Variants in TDRD9 observed in about 807,000 individuals in gnomAD.
The protein encoded by TDRD9 is ATP-dependent RNA helicase TDRD9.
Under a neutral mutation model 172.6 loss-of-function variants are expected in TDRD9, and 124 were observed. That is an observed-to-expected ratio of 0.72 (90% confidence interval 0.62 to 0.83). TDRD9 has a LOEUF of 0.83. Among genes scored for constraint, TDRD9 ranks in the 40% least tolerant of loss-of-function variants. TDRD9 has a pLI of 0.00. For missense variants in TDRD9, 1,479 were observed against 1,714.1 expected (o/e 0.86, Z 2.42); for synonymous variants, 619 against 617.1 (o/e 1.00, Z -0.05).
At chr14:103,974,448 C>T (rs76821815) in intron 6 of TDRD9, among the ~76,000 whole-genome samples, 4,350 of 152,138 alleles carry the variant, frequency 0.029, 133 homozygotes, top group African/African-American at 0.076. Flanking sequence ...TGCTTTTTGA[C>T]AAAACTGGAA....
intron 7 of TDRD9, among the ~76,000 whole-genome samples, chr14:103,979,176 T>A (rs552442580): frequency 6.6e-6 from 1 of 152,348 alleles, no homozygotes; most frequent in South Asian, 2.1e-4. Context: ...TCACTTAACA[T>A]AATGTCCTCC....
At chr14:103,951,564 A>G (rs969412274) in intron 1 of TDRD9, among the ~76,000 whole-genome samples, 1 of 152,224 alleles carries the variant, frequency 6.6e-6, no homozygotes, top group Non-Finnish European at 1.5e-5. Flanking sequence ...GAAATGAAGT[A>G]TAAATTTTTG....
At chr14:104,032,193 ATCTTT>A (rs139771860) in intron 30 of TDRD9, 106 bp downstream of exon 30, 197,362 of 611,332 alleles carry the variant, frequency 0.32, 36,063 homozygotes, top group Admixed American at 0.45. Flanking sequence ...GGAATGTGTT[ATCTTT>A]TCTTTTCTTT....
intron 13 of TDRD9, among the ~76,000 whole-genome samples, chr14:104,000,324 C>T (rs985437764): frequency 3.3e-5 from 4 of 121,584 alleles, no homozygotes; most frequent in Non-Finnish European, 3.3e-5. Flanking sequence ...ATGAGAGCCC[C>T]GTCTCAAAAA....
chr14:104,011,409 G>A lies in TDRD9; in HGVS notation c.2106+2943G>A, dbSNP rs112762171. On this transcript the variant is annotated intron_variant, in intron 20 of 35. Transcript: ENST00000409874. ...TGTTGTTATTGATACCACCCTGGTA[G>A]GATGAACATCTTTCTGTACCCAGGA... is the stretch of plus-strand genomic sequence containing the variant. Among the ~76,000 whole-genome samples the A allele has an allele frequency of 4.8e-3, 733 of 152,280 alleles. 9 individuals are homozygous for A. The highest frequency in any genetic ancestry group is 0.017 in the African/African-American group (711 of 41,538).
intron 32 of TDRD9, among the ~76,000 whole-genome samples, chr14:104,038,229 A>G (rs1194163058): frequency 1.3e-5 from 2 of 152,268 alleles, no homozygotes; most frequent in South Asian, 2.1e-4. Context: ...AACAACAACA[A>G]CAAGAAGTTC....
At chr14:103,993,585 T>C (rs1026653902) in intron 9 of TDRD9, among the ~76,000 whole-genome samples, 9 of 152,214 alleles carry the variant, frequency 5.9e-5, no homozygotes, top group African/African-American at 1.9e-4. Context: ...AGCCTCTTCC[T>C]CTTTCCAGCT....
Position 104,051,992 on chromosome 14 carries a change from G to A in TDRD9, c.4059G>A (p.Lys1353=), listed in dbSNP as rs191052950. The A allele has an allele frequency of 8.8e-6, 14 of 1,592,732 alleles. No homozygotes were observed. In the African/African-American group the frequency reaches 1.3e-4, roughly 15 times the overall value. ...GTCTACCCCATTAGGTTGATCCAAA[G>A]CTGGTCATGGAGCAGGCCGACCGTG... ...KPYEWNQVDP[K]LVMEQADRES... is the part of the protein sequence containing the mutation. The change falls in exon 36 of 36, where the codon AAG becomes AAA. Residue 1353 remains lysine (K), a synonymous_variant. Transcript: ENST00000409874.
chr14:103,962,469 G>A (rs1291862310), intron 2 of TDRD9, among the ~76,000 whole-genome samples: 1 of 152,182 alleles, frequency 6.6e-6, no homozygotes, highest in African/African-American at 2.4e-5. Flanking sequence ...GGGCTGCTAA[G>A]GGAAGTTTCT....
chr14:103,929,943 C>CT (rs2030262158), intron 1 of TDRD9, among the ~76,000 whole-genome samples: 1 of 152,188 alleles, frequency 6.6e-6, no homozygotes, highest in Non-Finnish European at 1.5e-5. Flanking sequence ...TCTCACTATT[C>CT]TTTAAGTAGC....
intron 34 of TDRD9, among the ~76,000 whole-genome samples, chr14:104,042,905 G>A (rs1410178584): frequency 6.6e-6 from 1 of 151,872 alleles, no homozygotes; most frequent in Non-Finnish European, 1.5e-5. Context: ...CTTTTGGGTT[G>A]GTTTCTTTTA....
chr14:103,952,177 T>A (rs1343316841), intron 1 of TDRD9, among the ~76,000 whole-genome samples: 55 of 106,986 alleles, frequency 5.1e-4, no homozygotes, highest in Non-Finnish European at 1.1e-3. Context: ...TATATATGTG[T>A]GTGCGTGTGT....
intron 28 of TDRD9, among the ~76,000 whole-genome samples, chr14:104,029,000 C>G (rs1044598046): frequency 6.6e-6 from 1 of 152,098 alleles, no homozygotes; most frequent in African/African-American, 2.4e-5. Flanking sequence ...AAATGCGTGG[C>G]TTTATTTCTG....
At chr14:103,953,080 T>A (rs2032024770) in intron 1 of TDRD9, among the ~76,000 whole-genome samples, 1 of 152,154 alleles carries the variant, frequency 6.6e-6, no homozygotes, top group African/African-American at 2.4e-5. Context: ...TTTCAGATGA[T>A]CACCTGCTCC....
intron 4 of TDRD9, 90 bp from the exon 5 acceptor site, chr14:103,966,619 C>A (rs2032758705): frequency 4.9e-6 from 6 of 1,213,398 alleles, no homozygotes; most frequent in South Asian, 2.0e-5. Context: ...CTTAATTTTT[C>A]ATTCCCTTTC....
intron 2 of TDRD9, among the ~76,000 whole-genome samples, chr14:103,960,348 A>G (rs554130041): frequency 8.3e-4 from 126 of 152,310 alleles, no homozygotes; most frequent in African/African-American, 2.6e-3. Context: ...ATATAGTGAT[A>G]TGTCTTAGTG....
chr14:103,999,643 A>ACATTTAATCTTTTAATTTTCCT (rs1566771643), intron 13 of TDRD9, among the ~76,000 whole-genome samples: 3 of 130,468 alleles, frequency 2.3e-5, no homozygotes, highest in African/African-American at 5.9e-5. Context: ...TGTTTTTTAG[A>ACATTTAATCTTTTAATTTTCCT]AAACCTTTTG....
chr14:104,002,133 A>C (rs1402030792), intron 13 of TDRD9, among the ~76,000 whole-genome samples: 1 of 151,454 alleles, frequency 6.6e-6, no homozygotes, highest in Non-Finnish European at 1.5e-5. Flanking sequence ...CAGCTTGGGC[A>C]ACATGGCAAA....
intron 19 of TDRD9, among the ~76,000 whole-genome samples, chr14:104,007,456 T>C (rs1241803652): frequency 6.6e-6 from 1 of 152,238 alleles, no homozygotes; most frequent in Non-Finnish European, 1.5e-5. Flanking sequence ...GCTTGTTTCA[T>C]GGCTCCACAT....
Sources: gnomAD v4.1 joint callset for allele counts (sites outside exome capture counted in the v4.1 genomes callset) on GRCh38, gnomAD v4.1.1 for gene constraint, MANE v1.5 for transcripts, NCBI Gene and HGNC (gene_info 2026-07-23, HGNC 2026-07-21) for gene names.